TRPS1: variants seen among roughly 807,000 people sequenced by gnomAD.
TRPS1 encodes zinc finger transcription factor Trps1.
A neutral mutation model predicts 101.2 loss-of-function variants in TRPS1; 6 were observed. The ratio of observed to expected loss-of-function variants is 0.06; its 90% confidence interval spans 0.03 to 0.12. The LOEUF (loss-of-function observed/expected upper bound fraction) is 0.12. Among genes scored for constraint, TRPS1 ranks in the 10% least tolerant of loss-of-function variants. The pLI, the probability that TRPS1 is intolerant of heterozygous loss-of-function variation, is 1.00. For synonymous variants in TRPS1, 578 were observed against 589.8 expected (o/e 0.98, Z 0.29); for missense variants, 1,363 against 1,567.0 (o/e 0.87, Z 2.20).
At chr8:115,625,602 CTTTAAT>C (rs1353793253) in intron 1 of TRPS1, among the ~76,000 whole-genome samples, 3 of 151,764 alleles carry the variant, frequency 2.0e-5, no homozygotes, top group Non-Finnish European at 4.4e-5. Context: ...AGCAAGATGA[CTTTAAT>C]TTTATTATTT....
At chr8:115,609,324 TCA>T (rs1297316051) in intron 3 of TRPS1, among the ~76,000 whole-genome samples, 1 of 152,200 alleles carries the variant, frequency 6.6e-6, no homozygotes, top group Admixed American at 6.5e-5. Flanking sequence ...AGTGACAAAC[TCA>T]CACACTTGTC....
intron 5 of TRPS1, among the ~76,000 whole-genome samples, chr8:115,432,391 T>C (rs1180640): frequency 1.3e-5 from 2 of 151,922 alleles, no homozygotes; most frequent in African/African-American, 2.4e-5. Context: ...ATTTTATCTA[T>C]AATTTTATTT....
chr8:115,546,183 A>T (rs1470960701), intron 5 of TRPS1, among the ~76,000 whole-genome samples: 1 of 151,728 alleles, frequency 6.6e-6, no homozygotes, highest in Non-Finnish European at 1.5e-5. Context: ...ATGAATATAT[A>T]TATTTATATA....
chr8:115,470,345 G>A (rs191210029), intron 5 of TRPS1, among the ~76,000 whole-genome samples: 119 of 152,254 alleles, frequency 7.8e-4, no homozygotes, highest in African/African-American at 2.7e-3. Context: ...AATATGAAAT[G>A]CTGTTTGCTT....
At chr8:115,477,117 T>A (rs1350833779) in intron 5 of TRPS1, among the ~76,000 whole-genome samples, 1 of 152,124 alleles carries the variant, frequency 6.6e-6, no homozygotes, top group Non-Finnish European at 1.5e-5. Flanking sequence ...ATTTGAAACA[T>A]TTGAATGAAT....
intron 1 of TRPS1, among the ~76,000 whole-genome samples, chr8:115,655,778 A>C (rs2130618561): frequency 6.6e-6 from 1 of 152,290 alleles, no homozygotes; most frequent in East Asian, 1.9e-4. Context: ...TAAATCTAAA[A>C]ACATCATCCT....
At chr8:115,492,498 CGT>C (rs1230604765) in intron 5 of TRPS1, among the ~76,000 whole-genome samples, 1 of 141,680 alleles carries the variant, frequency 7.1e-6, no homozygotes, top group Admixed American at 7.1e-5. Flanking sequence ...TGTGCGTGTT[CGT>C]GTGTGTGTGT....
chr8:115,566,999 T>TA (rs1477158018), intron 5 of TRPS1, among the ~76,000 whole-genome samples: 2 of 152,160 alleles, frequency 1.3e-5, no homozygotes, highest in African/African-American at 4.8e-5. Flanking sequence ...CTCTGCTTTT[T>TA]ATCCTAAATA....
intron 5 of TRPS1, among the ~76,000 whole-genome samples, chr8:115,512,782 T>C (rs565404967): frequency 6.6e-6 from 1 of 151,868 alleles, no homozygotes; most frequent in South Asian, 2.1e-4. Context: ...CATACTTGCC[T>C]ACAAAAATCT....
chr8:115,477,259 T>C (rs1814629721), intron 5 of TRPS1, among the ~76,000 whole-genome samples: 1 of 152,222 alleles, frequency 6.6e-6, no homozygotes, highest in African/African-American at 2.4e-5. Flanking sequence ...AAATATGTCA[T>C]AGACAGAAAG....
At chr8:115,468,456 A>G (rs1338819401) in intron 5 of TRPS1, among the ~76,000 whole-genome samples, 1 of 152,226 alleles carries the variant, frequency 6.6e-6, no homozygotes, top group Non-Finnish European at 1.5e-5. Flanking sequence ...AAAACTGATG[A>G]GAGGGACAGG....
At chr8:115,562,876 C>CTGTGTGTGTGTGTGTGTG (rs10588354) in intron 5 of TRPS1, among the ~76,000 whole-genome samples, 8 of 132,592 alleles carry the variant, frequency 6.0e-5, no homozygotes, top group African/African-American at 2.2e-4. Context: ...CCCACAGTGT[C>CTGTGTGTGTGTGTGTGTG]TGTGTGTGTG....
chr8:115,556,425 C>T (rs1816822124), intron 5 of TRPS1, among the ~76,000 whole-genome samples: 1 of 151,976 alleles, frequency 6.6e-6, no homozygotes, highest in Non-Finnish European at 1.5e-5. Flanking sequence ...AAAGACTGAC[C>T]CTAGCTTTAA....
chr8:115,447,379 G>A (rs1344359711), intron 5 of TRPS1, among the ~76,000 whole-genome samples: 5 of 152,120 alleles, frequency 3.3e-5, no homozygotes, highest in Non-Finnish European at 7.4e-5. Flanking sequence ...CCACCTATGT[G>A]TCACTTAATT....
intron 4 of TRPS1, among the ~76,000 whole-genome samples, chr8:115,596,983 C>T (rs922544558): frequency 1.3e-5 from 2 of 151,856 alleles, no homozygotes; most frequent in African/African-American, 4.8e-5. Context: ...ATTAAATTCA[C>T]TACTGTAAAA....
chr8:115,624,774 C>T (rs946735865), intron 1 of TRPS1, among the ~76,000 whole-genome samples: 1 of 151,602 alleles, frequency 6.6e-6, no homozygotes, highest in African/African-American at 2.4e-5. Flanking sequence ...AAAAATAATT[C>T]TAACTATTTT....
At chr8:115,567,934 T>C (rs991022488) in intron 5 of TRPS1, among the ~76,000 whole-genome samples, 1 of 152,190 alleles carries the variant, frequency 6.6e-6, no homozygotes, top group East Asian at 1.9e-4. Flanking sequence ...TAAGAGGCTA[T>C]GGTTTCAACA....
intron 1 of TRPS1, among the ~76,000 whole-genome samples, chr8:115,656,288 G>A (rs1273893445): frequency 6.6e-6 from 1 of 151,890 alleles, no homozygotes; most frequent in Non-Finnish European, 1.5e-5. Flanking sequence ...CAAAGCAGTC[G>A]AAAAACAAAA....
chr8:115,605,438 A>G (rs912905456), intron 3 of TRPS1, among the ~76,000 whole-genome samples: 1 of 152,190 alleles, frequency 6.6e-6, no homozygotes, highest in African/African-American at 2.4e-5. Context: ...AAATTACTCA[A>G]TGCAGATGTT....
Sources: gnomAD v4.1 joint callset for allele counts (sites outside exome capture counted in the v4.1 genomes callset) on GRCh38, gnomAD v4.1.1 for gene constraint, MANE v1.5 for transcripts, NCBI Gene and HGNC (gene_info 2026-07-23, HGNC 2026-07-21) for gene names.